The following CES1 variants were observed in gnomAD, a reference collection of about 807,000 sequenced individuals.
CES1 encodes carboxylesterase 1.
In CES1, 50 loss-of-function variants were observed where a neutral mutation model predicts 53.0. The ratio of observed to expected loss-of-function variants is 0.94; its 90% CI spans 0.75 to 1.19. The LOEUF (loss-of-function observed/expected upper bound fraction) is 1.19, where lower values mean the gene tolerates loss of function less well. Among genes scored for constraint, CES1 ranks in the 50% most tolerant of loss-of-function variants. The pLI, the probability that CES1 is intolerant of heterozygous loss-of-function variation, is 0.00. For missense variants in CES1, 534 were observed against 538.0 expected, an observed-to-expected ratio of 0.99 and a Z score of 0.07; for synonymous variants, 202 against 210.1, an observed-to-expected ratio of 0.96 and a Z score of 0.33.
At chr16:55,809,092 G>GAAAAAAAAAA (rs1567490315) in intron 11 of CES1, among the ~76,000 whole-genome samples, 14 of 8,340 alleles carry the variant, frequency 1.7e-3, no homozygotes, top group Non-Finnish European at 3.6e-3. Context: ...TGTAGTCCTG[G>GAAAAAAAAAA]CAAAAAAAAA....
chr16:55,814,870 TATGGCTGACA>T (rs1226034623), intron 8 of CES1, among the ~76,000 whole-genome samples: 1 of 152,198 alleles, frequency 6.6e-6, no homozygotes, highest in Non-Finnish European at 1.5e-5. Context: ...CCTAATCCAA[TATGGCTGACA>T]ATGAAGAACA....
chr16:55,815,248 C>T (rs1345019746), intron 8 of CES1, among the ~76,000 whole-genome samples: 4 of 152,262 alleles, frequency 2.6e-5, no homozygotes, highest in Non-Finnish European at 5.9e-5. Context: ...ACAGTGTGCA[C>T]GCAGGTGTGT....
At chr16:55,809,895 G>A (rs2031611346) in intron 11 of CES1, among the ~76,000 whole-genome samples, 1 of 152,142 alleles carries the variant, frequency 6.6e-6, no homozygotes, top group Non-Finnish European at 1.5e-5. Context: ...ATAACTCCAG[G>A]CATGGAGCCC....
At chr16:55,815,960 T>A (rs2031924534) in intron 8 of CES1, among the ~76,000 whole-genome samples, 3 of 152,292 alleles carry the variant, frequency 2.0e-5, no homozygotes, top group Admixed American at 1.3e-4. Flanking sequence ...CCACACTCGG[T>A]CCTCTCCAGC....
intron 4 of CES1, among the ~76,000 whole-genome samples, chr16:55,822,780 G>A (rs546808725): frequency 1.3e-5 from 2 of 152,230 alleles, no homozygotes; most frequent in Non-Finnish European, 2.9e-5. Context: ...CACAGAGGCT[G>A]AGTGGCCATC....
intron 2 of CES1, among the ~76,000 whole-genome samples, 195 bp from the exon 3 acceptor site, chr16:55,826,490 C>T (rs1352038562): frequency 2.0e-5 from 3 of 152,142 alleles, no homozygotes; most frequent in Non-Finnish European, 2.9e-5. Context: ...CTCCTAAGAC[C>T]AAGCAGAGTG....
intron 6 of CES1, 79 bp from the exon 7 acceptor site, chr16:55,819,718 C>G (rs1246941949): frequency 1.6e-6 from 2 of 1,213,082 alleles, no homozygotes; most frequent in African/African-American, 3.0e-5. Flanking sequence ...GCATTCTATC[C>G]CAAGCCCAAC....
chr16:55,808,899 C>T (rs555236590), intron 11 of CES1, among the ~76,000 whole-genome samples: 185 of 151,784 alleles, frequency 1.2e-3, no homozygotes, highest in African/African-American at 4.4e-3. Context: ...AATCTTTAGA[C>T]GAAAACACAA....
At chr16:55,809,814 T>C (rs1390349867) in intron 11 of CES1, among the ~76,000 whole-genome samples, 1 of 152,228 alleles carries the variant, frequency 6.6e-6, no homozygotes, top group Non-Finnish European at 1.5e-5. Context: ...TGTTTGCAGC[T>C]GGCTCAGACC....
At chr16:55,831,210 T>C (rs1346020005) in intron 1 of CES1, among the ~76,000 whole-genome samples, 15 of 151,944 alleles carry the variant, frequency 9.9e-5, no homozygotes, top group African/African-American at 3.6e-4. Context: ...CAAAGATCCA[T>C]CAGAATAGGG....
intron 1 of CES1, among the ~76,000 whole-genome samples, chr16:55,829,471 C>T (rs2032555512): frequency 6.6e-6 from 1 of 152,358 alleles, no homozygotes; most frequent in African/African-American, 2.4e-5. Context: ...GGGGCAAGGC[C>T]TTCTGATTGC....
chr16:55,831,636 G>C (rs1209767869), intron 1 of CES1, among the ~76,000 whole-genome samples: 1 of 150,210 alleles, frequency 6.7e-6, no homozygotes, highest in Non-Finnish European at 1.5e-5. Context: ...TCCTAAGGAA[G>C]GAAATGGATG....
At chr16:55,811,661 A>C (rs1269878335) in intron 9 of CES1, among the ~76,000 whole-genome samples, 2 of 152,118 alleles carry the variant, frequency 1.3e-5, no homozygotes, top group African/African-American at 2.4e-5. Context: ...AGGACAATTT[A>C]CTCTGCTCCA....
chr16:55,825,970 T>A (rs577371400), intron 3 of CES1, among the ~76,000 whole-genome samples, 181 bp downstream of exon 3: 1 of 152,362 alleles, frequency 6.6e-6, no homozygotes, highest in South Asian at 2.1e-4. Context: ...AGAGTGCCTA[T>A]GTCACGAGGG....
intron 3 of CES1, among the ~76,000 whole-genome samples, chr16:55,824,740 C>A (rs1198506863): frequency 6.6e-6 from 1 of 152,250 alleles, no homozygotes; most frequent in East Asian, 1.9e-4. Context: ...ACTGAGATCA[C>A]GCTTAGTGGT....
chr16:55,832,504 C>G (rs557659263), intron 1 of CES1, among the ~76,000 whole-genome samples: 1 of 152,320 alleles, frequency 6.6e-6, no homozygotes, highest in African/African-American at 2.4e-5. Context: ...CTCACCAAAG[C>G]CCAGTGAGGT....
intron 1 of CES1, among the ~76,000 whole-genome samples, chr16:55,830,835 C>CA (rs1417878440): frequency 9.5e-6 from 1 of 105,816 alleles, no homozygotes; most frequent in African/African-American, 3.9e-5. Context: ...GGCAGGCAGG[C>CA]AGGCAGGCAG....
At chr16:55,820,662 A>T (rs1469740616) in intron 5 of CES1, among the ~76,000 whole-genome samples, 183 bp from the exon 6 acceptor site, 1 of 151,984 alleles carries the variant, frequency 6.6e-6, no homozygotes, top group Non-Finnish European at 1.5e-5. Flanking sequence ...AGCACCTCTC[A>T]TCTGGGTTTT....
chr16:55,811,013 A>AAC lies in CES1; in HGVS notation c.1087-4_1087-3insGT, dbSNP rs11307366. ...GAGAGTGGATAGCTCATCAACTGCT[A>AAC]AAAAAAAAAAAAAGTTCAGCATTTA... is the stretch of plus-strand genomic sequence containing the variant. On this transcript the variant is annotated splice_polypyrimidine_tract_variant and splice_region_variant and intron_variant, in intron 9 of 13. Coordinates refer to ENST00000360526, the MANE Select transcript of CES1 (RefSeq NM_001025195.2). 0.078 allele frequency: 61,750 copies of AAC among 792,484 alleles called. 239 individuals carry two copies. Among genetic ancestry groups the AAC allele is most frequent in the Middle Eastern group, 0.12 (454 of 3,654 alleles). The allele number at this position is 792,484 out of a possible 1,614,324, so 49.1% of individuals were successfully genotyped here.
Sources: allele counts gnomAD v4.1 joint callset (sites outside exome capture counted in the v4.1 genomes callset), GRCh38; gene constraint gnomAD v4.1.1; transcripts MANE v1.5; gene names NCBI Gene and HGNC (gene_info 2026-07-23, HGNC 2026-07-21).